Variants in KCNH7 observed in about 807,000 individuals in gnomAD.
KCNH7 encodes the protein potassium voltage-gated channel subfamily H member 7.
KCNH7 carries 49 observed loss-of-function variants against 120.8 expected under a neutral mutation model. The ratio of observed to expected loss-of-function variants is 0.41; its 90% confidence interval spans 0.32 to 0.51. The LOEUF (loss-of-function observed/expected upper bound fraction) is 0.51. Ranked by LOEUF, KCNH7 falls within the 20% of genes least tolerant of loss-of-function variation. The pLI is 0.38. For missense variants in KCNH7, 1,097 were observed against 1,446.6 expected (o/e 0.76, Z 3.92); for synonymous variants, 547 against 516.1 (o/e 1.06, Z -0.81).
intron 3 of KCNH7, among the ~76,000 whole-genome samples, chr2:162,529,740 T>C (rs1691849812): frequency 6.6e-6 from 1 of 151,904 alleles, no homozygotes; most frequent in African/African-American, 2.4e-5. Context: ...TCCATTACTA[T>C]TGGCTCCTTT....
intron 4 of KCNH7, among the ~76,000 whole-genome samples, chr2:162,517,210 A>AT (rs1189991475): frequency 6.6e-6 from 1 of 151,500 alleles, no homozygotes; most frequent in Non-Finnish European, 1.5e-5. Flanking sequence ...GACTTTCAGG[A>AT]TTTTTTTCCC....
chr2:162,553,617 C>A (rs1233283031), intron 2 of KCNH7, among the ~76,000 whole-genome samples: 1 of 151,912 alleles, frequency 6.6e-6, no homozygotes, highest in African/African-American at 2.4e-5. Context: ...CCACTGCGGT[C>A]CATCCTGGGC....
At chr2:162,443,580 C>T (rs886479612) in intron 7 of KCNH7, among the ~76,000 whole-genome samples, 3 of 152,158 alleles carry the variant, frequency 2.0e-5, no homozygotes, top group Non-Finnish European at 4.4e-5. Flanking sequence ...GGCAGCTCAC[C>T]TCCAAAATAT....
chr2:162,581,061 C>T (rs962333273), intron 2 of KCNH7, among the ~76,000 whole-genome samples: 4 of 151,988 alleles, frequency 2.6e-5, no homozygotes, highest in Non-Finnish European at 4.4e-5. Flanking sequence ...TACAGCAACA[C>T]GATTTTCCAA....
Position 162,812,263 on chromosome 2 carries a change from C to T in KCNH7, c.307+24274G>A, listed in dbSNP as rs80043847. Among the ~76,000 whole-genome samples, 1,723 of 152,046 alleles carry T rather than the reference C, an allele frequency of 0.011. 67 individuals are homozygous for T. In the East Asian group the frequency reaches 0.13, roughly 12 times the overall value. ...CCCCTAAATATTTGAGGAAAAGTGACACAGTGAAAAAACACAGCCAAAGTG... is the reference window on the plus strand; with the variant it reads ...CCCCTAAATATTTGAGGAAAAGTGATACAGTGAAAAAACACAGCCAAAGTG... On this transcript the variant is annotated intron_variant, in intron 2 of 15. Coordinates refer to ENST00000332142, the MANE Select transcript of KCNH7 (RefSeq NM_033272.4).
intron 3 of KCNH7, among the ~76,000 whole-genome samples, chr2:162,524,683 A>T (rs539418045): frequency 9.7e-4 from 147 of 152,110 alleles, no homozygotes; most frequent in African/African-American, 3.2e-3. Context: ...ATAACCCTGG[A>T]TTTGCAGAGA....
intron 2 of KCNH7, among the ~76,000 whole-genome samples, chr2:162,759,035 C>T (rs1011169932): frequency 1.3e-5 from 2 of 151,904 alleles, no homozygotes; most frequent in East Asian, 3.9e-4. Context: ...AAATTTTTGA[C>T]TCCTCATGAA....
At chr2:162,560,086 G>A (rs1192910426) in intron 2 of KCNH7, among the ~76,000 whole-genome samples, 3 of 152,186 alleles carry the variant, frequency 2.0e-5, no homozygotes, top group Non-Finnish European at 2.9e-5. Flanking sequence ...ACTTCGAAAA[G>A]TAGAGAGGAT....
chr2:162,790,183 T>C (rs190343814), intron 2 of KCNH7, among the ~76,000 whole-genome samples: 1 of 151,600 alleles, frequency 6.6e-6, no homozygotes, highest in African/African-American at 2.4e-5. Context: ...TATAAAGAAT[T>C]ACAGGATACT....
At chr2:162,477,550 TA>T (rs911392298) in intron 6 of KCNH7, among the ~76,000 whole-genome samples, 1 of 151,922 alleles carries the variant, frequency 6.6e-6, no homozygotes, top group Non-Finnish European at 1.5e-5. Context: ...AGTCAGGCCC[TA>T]AAAAAAAGCA....
At chr2:162,518,635 T>C (rs1691403598) in intron 3 of KCNH7, among the ~76,000 whole-genome samples, 3 of 151,742 alleles carry the variant, frequency 2.0e-5, no homozygotes, top group Admixed American at 2.0e-4. Context: ...AGGTAAAGAA[T>C]AGACCTTGCA....
intron 2 of KCNH7, among the ~76,000 whole-genome samples, chr2:162,701,943 G>T (rs1188699390): frequency 6.6e-6 from 1 of 151,724 alleles, no homozygotes; most frequent in Non-Finnish European, 1.5e-5. Context: ...GGAGGCGGAG[G>T]TTGCAGTGAG....
At chr2:162,724,088 A>G (rs1235813187) in intron 2 of KCNH7, among the ~76,000 whole-genome samples, 1 of 152,168 alleles carries the variant, frequency 6.6e-6, no homozygotes, top group Non-Finnish European at 1.5e-5. Flanking sequence ...CCTGTCTAAT[A>G]TCTTTTTAGT....
At position 162,414,036 on chromosome 2, in the gene KCNH7, A is replaced by G. The variant is rs186294525; in HGVS notation, c.2154+9300T>C. On this transcript the variant is annotated intron_variant, in intron 9 of 15. Coordinates refer to ENST00000332142, the MANE Select transcript of KCNH7 (RefSeq NM_033272.4). ...TGAATGAAAAAGGTGCTTACATTTA[A>G]CAGTACTCAGAAAATGTCATTAGAG... 1.2e-4 allele frequency among the ~76,000 whole-genome samples: 18 copies of G among 152,164 alleles called. No homozygotes were observed. The East Asian group carries it at 3.1e-3, about 26-fold the overall frequency.
chr2:162,691,042 A>T (rs1559084022), intron 2 of KCNH7, among the ~76,000 whole-genome samples: 1 of 152,176 alleles, frequency 6.6e-6, no homozygotes, highest in Non-Finnish European at 1.5e-5. Flanking sequence ...TCCATCCATG[A>T]ATGATAGGGA....
At chr2:162,753,987 A>C (rs190058212) in intron 2 of KCNH7, among the ~76,000 whole-genome samples, 2 of 151,952 alleles carry the variant, frequency 1.3e-5, no homozygotes, top group Admixed American at 1.3e-4. Context: ...TATTTACAAT[A>C]ATGTATATGA....
chr2:162,636,743 G>C (rs1047430935), intron 2 of KCNH7, among the ~76,000 whole-genome samples: 1 of 152,042 alleles, frequency 6.6e-6, no homozygotes, highest in Non-Finnish European at 1.5e-5. Flanking sequence ...TAACATCACA[G>C]GATTAACCTA....
chr2:162,679,365 ATAGAG>A (rs1203334150), intron 2 of KCNH7, among the ~76,000 whole-genome samples: 4 of 151,666 alleles, frequency 2.6e-5, no homozygotes, highest in Non-Finnish European at 5.9e-5. Flanking sequence ...GTATTTAATA[ATAGAG>A]TAGAGTGCAT....
intron 6 of KCNH7, among the ~76,000 whole-genome samples, chr2:162,469,726 T>C (rs10198973): frequency 0.075 from 10,917 of 144,988 alleles, 1,290 homozygotes; most frequent in African/African-American, 0.25. Flanking sequence ...CTCCCTCTCC[T>C]TCTCTTTCCA....
Sources: gnomAD v4.1 joint callset for allele counts (sites outside exome capture counted in the v4.1 genomes callset) on GRCh38, gnomAD v4.1.1 for gene constraint, MANE v1.5 for transcripts, NCBI Gene and HGNC (gene_info 2026-07-23, HGNC 2026-07-21) for gene names.